The following ST6GALNAC3 variants were observed in gnomAD, a reference collection of about 807,000 sequenced individuals.
ST6GALNAC3 encodes the protein alpha-N-acetylgalactosaminide alpha-2,6-sialyltransferase 3.
Under a neutral mutation model 32.7 loss-of-function variants are expected in ST6GALNAC3, and 25 were observed. The ratio of observed to expected loss-of-function variants is 0.76; its 90% confidence interval spans 0.56 to 1.07. The LOEUF is 1.07. Among genes scored for constraint, ST6GALNAC3 ranks in the 50% least tolerant of loss-of-function variants. The pLI is 0.00. For missense variants in ST6GALNAC3, 355 were observed against 382.4 expected (o/e 0.93, Z 0.60); for synonymous variants, 129 against 133.1 (o/e 0.97, Z 0.21).
chr1:76,399,851 G>C (rs921609281), intron 2 of ST6GALNAC3, among the ~76,000 whole-genome samples: 1 of 151,998 alleles, frequency 6.6e-6, no homozygotes, highest in Non-Finnish European at 1.5e-5. Flanking sequence ...GTAATGAATG[G>C]CATCTTTTCT....
intron 2 of ST6GALNAC3, among the ~76,000 whole-genome samples, chr1:76,356,841 G>T (rs1228624854): frequency 6.6e-6 from 1 of 152,100 alleles, no homozygotes; most frequent in Admixed American, 6.6e-5. Flanking sequence ...CTCTCTTTGA[G>T]CCATTCCCTT....
At chr1:76,602,658 G>GA (rs1404822036) in intron 3 of ST6GALNAC3, among the ~76,000 whole-genome samples, 2 of 152,010 alleles carry the variant, frequency 1.3e-5, no homozygotes, top group African/African-American at 4.8e-5. Context: ...AACAGTAAGA[G>GA]AAAAGATGGA....
intron 3 of ST6GALNAC3, among the ~76,000 whole-genome samples, chr1:76,565,637 T>G (rs1665509640): frequency 6.6e-6 from 1 of 152,180 alleles, no homozygotes; most frequent in African/African-American, 2.4e-5. Flanking sequence ...TCAGGCCTGG[T>G]TCTTGATGTG....
chr1:76,170,900 A>T (rs1652447301), intron 1 of ST6GALNAC3, among the ~76,000 whole-genome samples: 1 of 152,204 alleles, frequency 6.6e-6, no homozygotes, highest in East Asian at 1.9e-4. Flanking sequence ...GTTTTTAAAC[A>T]TTTTCCAAGA....
At chr1:76,238,311 C>T (rs1656773052) in intron 1 of ST6GALNAC3, among the ~76,000 whole-genome samples, 1 of 152,050 alleles carries the variant, frequency 6.6e-6, no homozygotes, top group Non-Finnish European at 1.5e-5. Context: ...TCAGACAGAT[C>T]AATAAAATGC....
chr1:76,627,352 T>C (rs936381040), intron 3 of ST6GALNAC3, 100 bp from the exon 4 acceptor site: 2 of 767,336 alleles, frequency 2.6e-6, no homozygotes, highest in African/African-American at 1.8e-5. Flanking sequence ...AAGTGCTATG[T>C]TTTTGATGAA....
intron 3 of ST6GALNAC3, among the ~76,000 whole-genome samples, chr1:76,583,644 G>A (rs953964674): frequency 6.6e-6 from 1 of 152,102 alleles, no homozygotes; most frequent in Non-Finnish European, 1.5e-5. Flanking sequence ...AAGAGTGCCT[G>A]CCGCTGTATA....
At chr1:76,367,651 A>T (rs1245241252) in intron 2 of ST6GALNAC3, among the ~76,000 whole-genome samples, 1 of 152,152 alleles carries the variant, frequency 6.6e-6, no homozygotes, top group Non-Finnish European at 1.5e-5. Flanking sequence ...GATTTCAATC[A>T]AGCAATGATG....
rs1431172680 is a variant in ST6GALNAC3, at chr1:76,170,282, G to A, written c.18+95398G>A. On this transcript the variant is annotated intron_variant, in intron 1 of 4. Transcript: ENST00000328299. The stretch of plus-strand genomic sequence containing the variant: ...TGTCGGGGTGCCTGCCTCCATGTGG[G>A]TGTTCACCACAGTGGCAGAAACAAT... Among the ~76,000 whole-genome samples, 8 of 152,276 alleles carry A rather than the reference G, an allele frequency of 5.3e-5. 1 individual carries two copies. The South Asian group carries it at 1.7e-3, about 32-fold the overall frequency.
chr1:76,411,884 A>G, intron 2 of ST6GALNAC3, 124 bp from the exon 3 acceptor site: 1 of 1,034,030 alleles, frequency 9.7e-7, no homozygotes, highest in South Asian at 1.8e-5. Flanking sequence ...TGGTATTTGT[A>G]GGTACTTCAG....
chr1:76,260,569 C>T (rs1425501717), intron 1 of ST6GALNAC3, among the ~76,000 whole-genome samples: 1 of 152,162 alleles, frequency 6.6e-6, no homozygotes, highest in Admixed American at 6.5e-5. Context: ...GGATAAGTGA[C>T]TTCCCCAAGG....
chr1:76,370,859 T>C (rs1249405331), intron 2 of ST6GALNAC3, among the ~76,000 whole-genome samples: 2 of 152,060 alleles, frequency 1.3e-5, no homozygotes, highest in African/African-American at 4.8e-5. Context: ...CATCCATCCA[T>C]CCATTCATCC....
intron 3 of ST6GALNAC3, among the ~76,000 whole-genome samples, chr1:76,506,736 G>A (rs906959613): frequency 5.3e-5 from 8 of 152,132 alleles, no homozygotes; most frequent in African/African-American, 1.2e-4. Context: ...GGCAGACCGC[G>A]GTAGACAATA....
intron 1 of ST6GALNAC3, among the ~76,000 whole-genome samples, chr1:76,214,282 A>G (rs1161235099): frequency 6.6e-6 from 1 of 152,212 alleles, no homozygotes; most frequent in Non-Finnish European, 1.5e-5. Context: ...ACAGATGTAG[A>G]ACATTTCTGA....
chr1:76,166,179 G>A (rs993163946), intron 1 of ST6GALNAC3, among the ~76,000 whole-genome samples: 1 of 152,094 alleles, frequency 6.6e-6, no homozygotes, highest in African/African-American at 2.4e-5. Context: ...GTTAATTTTT[G>A]TATATGGCGG....
At chr1:76,137,313 T>G (rs74092533) in intron 1 of ST6GALNAC3, among the ~76,000 whole-genome samples, 3 of 152,210 alleles carry the variant, frequency 2.0e-5, no homozygotes, top group Non-Finnish European at 2.9e-5. Flanking sequence ...AGCCGTGCTA[T>G]GGATGTGATG....
At chr1:76,306,670 T>G (rs1371348996) in intron 1 of ST6GALNAC3, among the ~76,000 whole-genome samples, 1 of 58,692 alleles carries the variant, frequency 1.7e-5, no homozygotes, top group African/African-American at 3.9e-5. Context: ...CCAAAGGAGT[T>G]TTTTTTTTTG....
chr1:76,387,215 A>G (rs1208940831), intron 2 of ST6GALNAC3, among the ~76,000 whole-genome samples: 1 of 152,118 alleles, frequency 6.6e-6, no homozygotes, highest in Non-Finnish European at 1.5e-5. Context: ...TGGTGACTGT[A>G]GGGCTGTGGG....
chr1:76,239,802 C>T (rs992712363), intron 1 of ST6GALNAC3, among the ~76,000 whole-genome samples: 13 of 152,156 alleles, frequency 8.5e-5, no homozygotes, highest in African/African-American at 3.1e-4. Flanking sequence ...ACATCAACTT[C>T]CAACCACAAC....
Sources: allele counts gnomAD v4.1 joint callset (sites outside exome capture counted in the v4.1 genomes callset), GRCh38; gene constraint gnomAD v4.1.1; transcripts MANE v1.5; gene names NCBI Gene and HGNC (gene_info 2026-07-23, HGNC 2026-07-21).